PARD3: variants seen among roughly 807,000 people sequenced by gnomAD.
The protein encoded by PARD3 is partitioning defective 3 homolog.
PARD3 carries 75 observed loss-of-function variants against 155.4 expected under a neutral mutation model. That is an observed-to-expected ratio of 0.48 (90% CI 0.40 to 0.58). The LOEUF is 0.58. Among genes scored for constraint, PARD3 ranks in the 20% least tolerant of loss-of-function variants. The probability of loss-of-function intolerance (pLI) is 0.00; values close to 1 mark genes in which losing one functional copy is unlikely to be tolerated. For synonymous variants in PARD3, 576 were observed against 610.5 expected (o/e 0.94, Z 0.83); for missense variants, 1,642 against 1,721.7 (o/e 0.95, Z 0.82).
At chr10:34,766,793 A>T (rs1176825499) in intron 1 of PARD3, among the ~76,000 whole-genome samples, 2 of 152,184 alleles carry the variant, frequency 1.3e-5, no homozygotes, top group Admixed American at 6.5e-5. Context: ...ATTACAACGC[A>T]GGAACGTGGT....
intron 4 of PARD3, among the ~76,000 whole-genome samples, chr10:34,455,299 AT>A (rs1334909090): frequency 1.3e-5 from 2 of 152,132 alleles, no homozygotes; most frequent in Non-Finnish European, 2.9e-5. Flanking sequence ...TATGCATCAT[AT>A]GGTTTCAAAT....
At chr10:34,113,464 A>T (rs1200778976) in intron 24 of PARD3, among the ~76,000 whole-genome samples, 1 of 152,000 alleles carries the variant, frequency 6.6e-6, no homozygotes, top group Non-Finnish European at 1.5e-5. Flanking sequence ...GGTCTGAAGT[A>T]AGATATGTGG....
intron 2 of PARD3, among the ~76,000 whole-genome samples, chr10:34,656,345 A>G (rs1180079462): frequency 6.6e-6 from 1 of 152,266 alleles, no homozygotes; most frequent in Non-Finnish European, 1.5e-5. Flanking sequence ...AAGGTTTTAA[A>G]TATTGCTACT....
Position 34,227,856 on chromosome 10 carries a change from T to TATATATATATATATATATA in PARD3, c.3419+41800_3419+41801insTATATATATATATATATAT, listed in dbSNP as rs1554814034. 4.3e-3 allele frequency among the ~76,000 whole-genome samples: 355 copies of TATATATATATATATATATA among 82,148 alleles called. 21 individuals are homozygous for TATATATATATATATATATA. Among genetic ancestry groups the TATATATATATATATATATA allele is most frequent in the African/African-American group, 0.013 (213 of 16,824 alleles). The allele number at this position is 82,148 out of a possible 152,430, so 53.9% of individuals were successfully genotyped here. A position where few individuals can be genotyped will look rare whatever the true frequency, so the allele number is the denominator to read the frequency against. ...TATTCCCAGTAATGGGAATTATTTT[T>TATATATATATATATATATA]TATATATATATATATATATATATAT... On this transcript the variant is annotated intron_variant, in intron 22 of 24. Transcript: ENST00000374788.
At chr10:34,237,018 G>A (rs1953277750) in intron 22 of PARD3, among the ~76,000 whole-genome samples, 4 of 152,238 alleles carry the variant, frequency 2.6e-5, no homozygotes, top group South Asian at 2.1e-4. Context: ...AGCTGTAACG[G>A]ACAGATGCTG....
At chr10:34,247,344 A>C (rs1003794401) in intron 22 of PARD3, among the ~76,000 whole-genome samples, 1 of 152,130 alleles carries the variant, frequency 6.6e-6, no homozygotes. Context: ...TCTACTAAAA[A>C]TACAAAAATT....
At chr10:34,290,249 T>TA (rs1184094139) in intron 20 of PARD3, among the ~76,000 whole-genome samples, 3 of 152,170 alleles carry the variant, frequency 2.0e-5, no homozygotes, top group Non-Finnish European at 4.4e-5. Flanking sequence ...ACAGTGTTTT[T>TA]AAAAAAGTCT....
chr10:34,639,212 A>G (rs572377674), intron 2 of PARD3, among the ~76,000 whole-genome samples: 1 of 152,118 alleles, frequency 6.6e-6, no homozygotes, highest in South Asian at 2.1e-4. Flanking sequence ...CCTGACCAAC[A>G]TGGTGAAACC....
intron 16 of PARD3, among the ~76,000 whole-genome samples, chr10:34,340,809 G>A (rs1836730317): frequency 6.6e-6 from 1 of 152,080 alleles, no homozygotes; most frequent in Non-Finnish European, 1.5e-5. Flanking sequence ...TAGGAAGCAG[G>A]AATGGCTAAG....
At chr10:34,710,948 G>A (rs1047500324) in intron 1 of PARD3, among the ~76,000 whole-genome samples, 7 of 152,130 alleles carry the variant, frequency 4.6e-5, no homozygotes, top group Non-Finnish European at 8.8e-5. Context: ...AGCCAGGGCA[G>A]GAGCATCACT....
At chr10:34,320,527 G>A (rs1958308409) in intron 19 of PARD3, among the ~76,000 whole-genome samples, 1 of 152,188 alleles carries the variant, frequency 6.6e-6, no homozygotes, top group Admixed American at 6.5e-5. Flanking sequence ...AGTTTTGGCA[G>A]AAGTTCAAGG....
At chr10:34,681,785 T>A (rs1590621958) in intron 2 of PARD3, among the ~76,000 whole-genome samples, 2 of 100,344 alleles carry the variant, frequency 2.0e-5, no homozygotes, top group African/African-American at 7.4e-5. Flanking sequence ...TTTTTTTTTT[T>A]TTTTTTTTTT....
chr10:34,803,551 GAGGCCAAGGC>G (rs1450393269), intron 1 of PARD3, among the ~76,000 whole-genome samples: 1 of 152,186 alleles, frequency 6.6e-6, no homozygotes, highest in African/African-American at 2.4e-5. Flanking sequence ...AGCACTTTGG[GAGGCCAAGGC>G]AGGCGGATGA....
chr10:34,384,267 G>A lies in PARD3; in HGVS notation c.891-13C>T, dbSNP rs1311335622. ...TAACCCCAGGGTTCTGGAACATTAA[G>A]AATGCAAATGATTACACATGTAATA... On this transcript the variant is annotated splice_polypyrimidine_tract_variant and intron_variant, in intron 7 of 24. Transcript: ENST00000374788. 1.8e-5 allele frequency: 29 copies of A among 1,609,992 alleles called. No individual in the cohort carries two copies. The highest frequency in any genetic ancestry group is 2.4e-5 in the Non-Finnish European group (28 of 1,177,632).
At position 34,809,182 on chromosome 10, in the gene PARD3, G is replaced by A. The variant is rs760303782; in HGVS notation, c.120+5694C>T. Among the ~76,000 whole-genome samples the A allele has an allele frequency of 5.3e-5, 8 of 152,166 alleles. No homozygotes were observed. The East Asian group carries it at 7.7e-4, about 15-fold the overall frequency. On this transcript the variant is annotated intron_variant, in intron 1 of 24. Transcript: ENST00000374788. Reference sequence around the variant, plus strand: ...AAACCTTAAAGTCCTTTAAATTCACGAGTGCTGATGATAGTCCTCTCAGCA... The same window carrying A: ...AAACCTTAAAGTCCTTTAAATTCACAAGTGCTGATGATAGTCCTCTCAGCA...
intron 15 of PARD3, chr10:34,343,941 G>C (rs1211211772): frequency 1.0e-6 from 1 of 981,392 alleles, no homozygotes. Flanking sequence ...TGATACTAGA[G>C]GAAAACTGTG....
intron 2 of PARD3, among the ~76,000 whole-genome samples, chr10:34,611,931 C>G (rs987016114): frequency 1.6e-4 from 9 of 56,640 alleles, no homozygotes; most frequent in Non-Finnish European, 3.7e-4. Flanking sequence ...TGCCTCAGCG[C>G]CCCCCCTACC....
intron 2 of PARD3, among the ~76,000 whole-genome samples, chr10:34,599,661 A>G (rs1025861560): frequency 1.3e-5 from 2 of 152,198 alleles, no homozygotes; most frequent in African/African-American, 4.8e-5. Flanking sequence ...AGATTCTCTC[A>G]TTTTACTTTC....
At chr10:34,519,102 A>G (rs111386794) in intron 2 of PARD3, among the ~76,000 whole-genome samples, 5 of 152,370 alleles carry the variant, frequency 3.3e-5, no homozygotes, top group African/African-American at 1.2e-4. Context: ...AGGCTCTCCA[A>G]AAGTATCAAG....
Sources: allele counts gnomAD v4.1 joint callset (sites outside exome capture counted in the v4.1 genomes callset), GRCh38; gene constraint gnomAD v4.1.1; transcripts MANE v1.5; gene names NCBI Gene and HGNC (gene_info 2026-07-23, HGNC 2026-07-21).